Variants in PPFIA2 observed in about 807,000 individuals in gnomAD.
PPFIA2 encodes the protein PPFI scaffold protein A2, also known as liprin-alpha-2.
A neutral mutation model predicts 175.5 loss-of-function variants in PPFIA2; 46 were observed. That is an observed-to-expected ratio of 0.26 (90% CI 0.21 to 0.34). The LOEUF (loss-of-function observed/expected upper bound fraction) is 0.34. Ranked by LOEUF, PPFIA2 falls within the 10% of genes least tolerant of loss-of-function variation. The pLI, the probability that PPFIA2 is intolerant of heterozygous loss-of-function variation, is 1.00. For synonymous variants in PPFIA2, 568 were observed against 511.4 expected (o/e 1.11, Z -1.49); for missense variants, 1,179 against 1,506.1 (o/e 0.78, Z 3.60).
In PPFIA2 at chr12:81,640,694, C is replaced by T. The variant is rs116478615; in HGVS notation, c.303+36097G>A. Among the ~76,000 whole-genome samples, 11 of 152,042 alleles carry T rather than the reference C, an allele frequency of 7.2e-5. No individual in the cohort carries two copies. In the South Asian group the frequency reaches 1.9e-3, roughly 26 times the overall value. On this transcript the variant is annotated intron_variant, in intron 4 of 32. Transcript: ENST00000549396. The stretch of plus-strand genomic sequence containing the variant: ...AGCGAGTTTTTCCTTCTGAGATGTG[C>T]TTTTGTTATAACCAGGATACTATTC...
At chr12:81,481,157 T>C (rs1462141545) in intron 4 of PPFIA2, among the ~76,000 whole-genome samples, 2 of 152,054 alleles carry the variant, frequency 1.3e-5, no homozygotes, top group Non-Finnish European at 2.9e-5. Flanking sequence ...ACAAAGTGAA[T>C]AAAATACATA....
chr12:81,610,654 T>C (rs952688552), intron 4 of PPFIA2, among the ~76,000 whole-genome samples: 2 of 152,210 alleles, frequency 1.3e-5, no homozygotes, highest in South Asian at 2.1e-4. Flanking sequence ...CCTGGATTTT[T>C]TGGATGGGTT....
chr12:81,644,188 T>G (rs1487660106), intron 4 of PPFIA2, among the ~76,000 whole-genome samples: 1 of 152,164 alleles, frequency 6.6e-6, no homozygotes, highest in East Asian at 1.9e-4. Context: ...ATGATAAAAT[T>G]TACTTTTGCT....
intron 4 of PPFIA2, among the ~76,000 whole-genome samples, chr12:81,584,838 T>A (rs2074959504): frequency 7.8e-6 from 1 of 127,432 alleles, no homozygotes; most frequent in Non-Finnish European, 1.6e-5. Flanking sequence ...TATATTTACA[T>A]ATTTTATAAT....
intron 4 of PPFIA2, among the ~76,000 whole-genome samples, chr12:81,664,526 GT>G (rs1292970055): frequency 6.6e-6 from 1 of 152,014 alleles, no homozygotes; most frequent in African/African-American, 2.4e-5. Context: ...TCATTAAAAA[GT>G]CAGGAAACAA....
rs1204860959 is a variant in PPFIA2, at chr12:81,391,456, A to G, written c.763-7212T>C. Reference sequence around the variant, plus strand: ...TGTTTTTCCATACTGAATAGAATAAACTTTGGGTACCAGATAGAATGACAA... The same window carrying G: ...TGTTTTTCCATACTGAATAGAATAAGCTTTGGGTACCAGATAGAATGACAA... On this transcript the variant is annotated intron_variant, in intron 8 of 32. Coordinates refer to ENST00000549396, the MANE Select transcript of PPFIA2 (RefSeq NM_003625.5). 4.0e-5 allele frequency among the ~76,000 whole-genome samples: 6 copies of G among 151,896 alleles called. No individual in the cohort carries two copies. In the South Asian group the frequency reaches 1.0e-3, roughly 26 times the overall value.
chr12:81,290,909 G>C (rs2044770725), intron 24 of PPFIA2, among the ~76,000 whole-genome samples: 1 of 151,596 alleles, frequency 6.6e-6, no homozygotes, highest in African/African-American at 2.4e-5. Flanking sequence ...CCAATACTAG[G>C]AATTTGATTA....
chr12:81,677,388 T>C (rs2072738090), intron 3 of PPFIA2, among the ~76,000 whole-genome samples: 1 of 151,982 alleles, frequency 6.6e-6, no homozygotes. Context: ...AAATATACAG[T>C]AAATTATTGT....
intron 14 of PPFIA2, among the ~76,000 whole-genome samples, chr12:81,364,930 G>C (rs1284957909): frequency 2.0e-5 from 3 of 151,754 alleles, no homozygotes; most frequent in African/African-American, 7.3e-5. Context: ...GTTAGATGGT[G>C]GTGGTGTTTG....
At chr12:81,597,970 G>A in intron 4 of PPFIA2, 1 of 1,534,916 alleles carries the variant, frequency 6.5e-7, no homozygotes, top group Middle Eastern at 1.7e-4. Context: ...TGTAAAACCG[G>A]GTCCCATTAG....
intron 4 of PPFIA2, among the ~76,000 whole-genome samples, chr12:81,499,334 G>T (rs1421168332): frequency 3.3e-5 from 5 of 152,124 alleles, no homozygotes; most frequent in African/African-American, 1.2e-4. Flanking sequence ...CAAAAAAGGG[G>T]CTATTAACTC....
intron 25 of PPFIA2, 65 bp from the exon 26 acceptor site, chr12:81,283,104 G>A (rs2042447884): frequency 6.6e-7 from 1 of 1,515,252 alleles, no homozygotes. Context: ...AATCAATACA[G>A]TAAAATTTTT....
At chr12:81,348,762 A>T (rs2059513137) in intron 17 of PPFIA2, among the ~76,000 whole-genome samples, 1 of 152,178 alleles carries the variant, frequency 6.6e-6, no homozygotes, top group African/African-American at 2.4e-5. Flanking sequence ...ACAAAGGCAC[A>T]AATAGGAAAG....
At chr12:81,714,695 G>A (rs2078368562) in intron 3 of PPFIA2, among the ~76,000 whole-genome samples, 2 of 150,962 alleles carry the variant, frequency 1.3e-5, no homozygotes, top group South Asian at 2.1e-4. Flanking sequence ...AAGAAATAGA[G>A]GGTCTGAGTA....
chr12:81,618,269 G>GTGTC (rs2061614535), intron 4 of PPFIA2, among the ~76,000 whole-genome samples: 1 of 151,872 alleles, frequency 6.6e-6, no homozygotes, highest in Non-Finnish European at 1.5e-5. Context: ...GTGTGTGTGT[G>GTGTC]TGTGTGTGTG....
At chr12:81,338,289 C>T (rs2057439858) in intron 21 of PPFIA2, among the ~76,000 whole-genome samples, 2 of 151,928 alleles carry the variant, frequency 1.3e-5, no homozygotes, top group South Asian at 4.1e-4. Flanking sequence ...AATTCTTTCC[C>T]AATAATATAA....
At chr12:81,293,778 T>G (rs2137793010) in intron 24 of PPFIA2, among the ~76,000 whole-genome samples, 1 of 152,272 alleles carries the variant, frequency 6.6e-6, no homozygotes, top group South Asian at 2.1e-4. Flanking sequence ...AACTAAGTAA[T>G]CTCGCTACTT....
chr12:81,750,272 T>C (rs2083576146), intron 3 of PPFIA2, among the ~76,000 whole-genome samples: 1 of 143,742 alleles, frequency 7.0e-6, no homozygotes, highest in South Asian at 2.3e-4. Context: ...GCATATAATG[T>C]GACATATTTA....
chr12:81,620,365 T>A (rs1308637591), intron 4 of PPFIA2, among the ~76,000 whole-genome samples: 1 of 152,134 alleles, frequency 6.6e-6, no homozygotes, highest in Admixed American at 6.5e-5. Context: ...CAAACAATAA[T>A]GATTCACATC....
Sources: allele counts gnomAD v4.1 joint callset (sites outside exome capture counted in the v4.1 genomes callset), GRCh38; gene constraint gnomAD v4.1.1; transcripts MANE v1.5; gene names NCBI Gene and HGNC (gene_info 2026-07-23, HGNC 2026-07-21).